Variants in PRKD1 observed in about 807,000 individuals in gnomAD.
The protein encoded by PRKD1 is protein kinase D1.
PRKD1 carries 63 observed loss-of-function variants against 95.9 expected under a neutral mutation model. That is an observed-to-expected ratio of 0.66 (90% CI 0.54 to 0.81). The LOEUF (loss-of-function observed/expected upper bound fraction) is 0.81. Among genes scored for constraint, PRKD1 ranks in the 30% least tolerant of loss-of-function variants. The pLI is 0.00. For synonymous variants in PRKD1, 425 were observed against 423.1 expected, an observed-to-expected ratio of 1.00 and a Z score of -0.05; for missense variants, 1,048 against 1,165.3, an observed-to-expected ratio of 0.90 and a Z score of 1.47.
At chr14:29,686,172 C>G (rs963187393) in intron 2 of PRKD1, among the ~76,000 whole-genome samples, 1 of 152,156 alleles carries the variant, frequency 6.6e-6, no homozygotes, top group African/African-American at 2.4e-5. Flanking sequence ...TTGCCTTCCT[C>G]TTTTTAATTT....
In PRKD1 at chr14:29,599,082, T is replaced by C. The variant is rs775492039; in HGVS notation, c.2111A>G (p.His704Arg). The C allele has an allele frequency of 5.0e-6, 8 of 1,613,810 alleles. No individual in the cohort carries two copies. The Admixed American group carries it at 1.0e-4, about 20-fold the overall frequency. Reference sequence around the variant, plus strand: ...CACATTTTCTGGTTTGAGGTCACAGTGAACGATATTTTTAAAATGAAGGTG... The same window carrying C: ...CACATTTTCTGGTTTGAGGTCACAGCGAACGATATTTTTAAAATGAAGGTG... ...LRHLHFKNIV[H>R]CDLKPENVLL... Residue 704 changes from histidine to arginine, a missense_variant, in exon 15 of 18, where the codon CAC becomes CGC. His to Arg is a conservative substitution (Grantham distance 29). Around this residue, in one of 3 missense-constraint regions of PRKD1, gnomAD observed 739 missense variants for 861.9 expected, o/e 0.86. Coordinates refer to ENST00000331968, the MANE Select transcript of PRKD1 (RefSeq NM_002742.3).
intron 1 of PRKD1, among the ~76,000 whole-genome samples, chr14:29,735,411 C>A (rs1210894076): frequency 2.0e-5 from 3 of 152,152 alleles, no homozygotes; most frequent in Admixed American, 2.0e-4. Context: ...AGACACAGAT[C>A]CTCTTTCCAT....
rs369393847 is a variant in PRKD1 at position 29,740,660 on chromosome 14, T to G, written c.265-14986A>C. 4.1e-4 allele frequency among the ~76,000 whole-genome samples: 63 copies of G among 152,316 alleles called. 2 individuals are homozygous for G. In the South Asian group the frequency reaches 0.013, roughly 31 times the overall value. ...TGGACCCAGGCTTTTGGATTTTGAA[T>G]AAAACCAAAGTAAATGATTTAATGA... On this transcript the variant is annotated intron_variant, in intron 1 of 17. Coordinates refer to ENST00000331968, the MANE Select transcript of PRKD1 (RefSeq NM_002742.3).
intron 1 of PRKD1, among the ~76,000 whole-genome samples, chr14:29,778,762 G>C (rs1462935101): frequency 1.3e-5 from 2 of 152,192 alleles, no homozygotes; most frequent in Non-Finnish European, 2.9e-5. Context: ...GATAGAAAAA[G>C]AGGGAATCCT....
chr14:29,682,156 T>C (rs995795229), intron 2 of PRKD1, among the ~76,000 whole-genome samples: 1 of 152,218 alleles, frequency 6.6e-6, no homozygotes, highest in Non-Finnish European at 1.5e-5. Context: ...ATTAAGAATT[T>C]AGGTATGCAG....
In PRKD1 at chr14:29,892,708, C is replaced by A. The variant is rs150591936; in HGVS notation, c.264+34541G>T. On this transcript the variant is annotated intron_variant, in intron 1 of 17. Transcript: ENST00000331968. ...AGACATAGTACCTTCAGAAGTGGAC[C>A]CATCAGACTGAGATGTTATACACTG... is the stretch of plus-strand genomic sequence containing the variant. Among the ~76,000 whole-genome samples the A allele has an allele frequency of 9.4e-4, 143 of 152,114 alleles. 4 individuals carry two copies. The highest frequency in any genetic ancestry group is 3.3e-3 in the African/African-American group (138 of 41,476).
intron 1 of PRKD1, among the ~76,000 whole-genome samples, chr14:29,745,308 T>C (rs566275222): frequency 6.6e-6 from 1 of 152,164 alleles, no homozygotes; most frequent in East Asian, 1.9e-4. Context: ...TCCATTAGAG[T>C]GGGGACTTTT....
chr14:29,797,343 A>G (rs942321174), intron 1 of PRKD1, among the ~76,000 whole-genome samples: 1 of 152,220 alleles, frequency 6.6e-6, no homozygotes, highest in African/African-American at 2.4e-5. Flanking sequence ...CAAATGCAGT[A>G]AGTTTACATC....
chr14:29,629,635 A>G lies in PRKD1; in HGVS notation c.1673-542T>C, dbSNP rs45596439. Reference sequence around the variant, plus strand: ...TAATTCATAGGTTTCATTATGAGTAACTATTATGAAATTTAAAAATAAATG... The same window carrying G: ...TAATTCATAGGTTTCATTATGAGTAGCTATTATGAAATTTAAAAATAAATG... On this transcript the variant is annotated intron_variant, in intron 10 of 17. Transcript: ENST00000331968. Among the ~76,000 whole-genome samples the G allele has an allele frequency of 4.9e-3, 741 of 152,294 alleles. 13 individuals carry two copies. Among genetic ancestry groups the G allele is most frequent in the African/African-American group, 0.017 (692 of 41,560 alleles).
chr14:29,585,114 G>A (rs1465684396), intron 16 of PRKD1, among the ~76,000 whole-genome samples: 3 of 151,644 alleles, frequency 2.0e-5, no homozygotes, highest in Non-Finnish European at 4.4e-5. Flanking sequence ...GTAGTGCTTA[G>A]TACTTCTCTC....
In PRKD1 at chr14:29,639,115, G is replaced by A. The variant is rs45526436; in HGVS notation, c.697-211C>T. ...TGCTTGTATAATCTTAAAAAAAAAA[G>A]AGAATTGGAGATCAGAATGTTTAAA... On this transcript the variant is annotated intron_variant, in intron 4 of 17. Coordinates refer to ENST00000331968, the MANE Select transcript of PRKD1 (RefSeq NM_002742.3). Among the ~76,000 whole-genome samples the A allele has an allele frequency of 1.6e-3, 246 of 151,216 alleles. 4 individuals are homozygous for A. The East Asian group carries it at 0.041, about 25-fold the overall frequency.
intron 16 of PRKD1, among the ~76,000 whole-genome samples, chr14:29,580,302 G>C (rs779774159): frequency 6.6e-6 from 1 of 152,128 alleles, no homozygotes; most frequent in Non-Finnish European, 1.5e-5. Context: ...TGAAAAAATT[G>C]TTCTGCTGAA....
chr14:29,594,765 T>A (rs1166191509), intron 16 of PRKD1, among the ~76,000 whole-genome samples: 1 of 152,164 alleles, frequency 6.6e-6, no homozygotes, highest in Non-Finnish European at 1.5e-5. Flanking sequence ...CGATTAATAG[T>A]TGTGCTGGTG....
chr14:29,596,558 C>T (rs1346316096), intron 16 of PRKD1, among the ~76,000 whole-genome samples: 2 of 152,056 alleles, frequency 1.3e-5, no homozygotes, highest in African/African-American at 4.8e-5. Flanking sequence ...GGTTCAAGCG[C>T]TTCTCCTGCC....
chr14:29,775,962 T>G (rs146239288), intron 1 of PRKD1, among the ~76,000 whole-genome samples: 1 of 151,996 alleles, frequency 6.6e-6, no homozygotes, highest in Non-Finnish European at 1.5e-5. Flanking sequence ...AGAGGAACAA[T>G]CAGGCAGCAA....
intron 1 of PRKD1, among the ~76,000 whole-genome samples, chr14:29,833,861 C>A (rs1327355100): frequency 6.6e-6 from 1 of 151,472 alleles, no homozygotes; most frequent in Non-Finnish European, 1.5e-5. Context: ...TCCATCAGAC[C>A]CATTACAGAC....
At chr14:29,899,718 G>A (rs1894256068) in intron 1 of PRKD1, among the ~76,000 whole-genome samples, 1 of 152,276 alleles carries the variant, frequency 6.6e-6, no homozygotes, top group South Asian at 2.1e-4. Flanking sequence ...TACAACCTCA[G>A]TAATGTTATT....
At chr14:29,592,238 G>A (rs898689568) in intron 16 of PRKD1, among the ~76,000 whole-genome samples, 2 of 150,812 alleles carry the variant, frequency 1.3e-5, no homozygotes, top group African/African-American at 4.9e-5. Flanking sequence ...ATGAAATATG[G>A]TAGAACATAC....
intron 9 of PRKD1, among the ~76,000 whole-genome samples, chr14:29,631,552 T>G (rs1190228739): frequency 6.6e-6 from 1 of 151,334 alleles, no homozygotes; most frequent in Non-Finnish European, 1.5e-5. Flanking sequence ...TACGCTGGAG[T>G]GCAGTGGCGT....
Sources: gnomAD v4.1 joint callset for allele counts (sites outside exome capture counted in the v4.1 genomes callset) on GRCh38, gnomAD v4.1.1 for gene constraint, gnomAD v4.1.1 regional missense constraint, MANE v1.5 for transcripts, NCBI Gene and HGNC (gene_info 2026-07-23, HGNC 2026-07-21) for gene names.